Variants in ACTR2 observed in about 807,000 individuals in gnomAD.
ACTR2 encodes the protein actin related protein 2.
In ACTR2, 5 loss-of-function variants were observed where a neutral mutation model predicts 50.2. That is an observed-to-expected ratio of 0.10 (90% CI 0.05 to 0.21). ACTR2 has a LOEUF of 0.21. Among genes scored for constraint, ACTR2 ranks in the 10% least tolerant of loss-of-function variants. The pLI, the probability that ACTR2 is intolerant of heterozygous loss-of-function variation, is 1.00. For synonymous variants in ACTR2, 140 were observed against 162.9 expected, an observed-to-expected ratio of 0.86 and a Z score of 1.07; for missense variants, 180 against 480.6, an observed-to-expected ratio of 0.37 and a Z score of 5.85.
chr2:65,253,540 A>G (rs1017570398), intron 4 of ACTR2, among the ~76,000 whole-genome samples, 188 bp from the exon 5 acceptor site: 1 of 133,650 alleles, frequency 7.5e-6, no homozygotes, highest in Non-Finnish European at 1.6e-5. Context: ...TAGTAGACTA[A>G]AAGTCTTAAA....
intron 1 of ACTR2, among the ~76,000 whole-genome samples, chr2:65,231,275 G>A (rs1375742352): frequency 6.6e-6 from 1 of 152,140 alleles, no homozygotes; most frequent in Non-Finnish European, 1.5e-5. Context: ...AAGAAACAGT[G>A]CTGTTAAAAT....
At chr2:65,250,936 C>G in intron 3 of ACTR2, 91 bp from the exon 4 acceptor site, 1 of 778,262 alleles carries the variant, frequency 1.3e-6, no homozygotes. Context: ...CTATTTTGGG[C>G]AATTAATTCA....
chr2:65,261,508 C>A, intron 7 of ACTR2, 116 bp downstream of exon 7: 1 of 1,040,192 alleles, frequency 9.6e-7, no homozygotes, highest in Non-Finnish European at 1.3e-6. Context: ...TATAAACTTA[C>A]TTGAAATAAT....
chr2:65,243,625 C>A, intron 2 of ACTR2, among the ~76,000 whole-genome samples: 1 of 152,096 alleles, frequency 6.6e-6, no homozygotes, highest in East Asian at 1.9e-4. Flanking sequence ...CAAAACCCTG[C>A]CTCTATTAGT....
chr2:65,268,080 G>A (rs1465252975), intron 8 of ACTR2, among the ~76,000 whole-genome samples: 17 of 151,532 alleles, frequency 1.1e-4, no homozygotes, highest in East Asian at 9.7e-4. Flanking sequence ...CTCGTGATCC[G>A]CCCGCCTTGG....
chr2:65,253,487 G>A (rs953114429), intron 4 of ACTR2, among the ~76,000 whole-genome samples: 1 of 151,754 alleles, frequency 6.6e-6, no homozygotes, highest in Non-Finnish European at 1.5e-5. Flanking sequence ...TCAGTCCTCA[G>A]TCTCAGGGTC....
chr2:65,250,955 C>G (rs1672037621), intron 3 of ACTR2, 72 bp from the exon 4 acceptor site: 1 of 1,073,784 alleles, frequency 9.3e-7, no homozygotes, highest in Non-Finnish European at 1.4e-6. Context: ...CACTCTGTGA[C>G]CATGAGGAAA....
intron 2 of ACTR2, chr2:65,242,660 C>G (rs749490177): frequency 2.0e-6 from 1 of 511,030 alleles, no homozygotes; most frequent in Non-Finnish European, 3.9e-6. Context: ...TAAAGCTTTT[C>G]TATAAACAAC....
At chr2:65,233,079 C>T (rs965340856) in intron 1 of ACTR2, among the ~76,000 whole-genome samples, 11 of 151,496 alleles carry the variant, frequency 7.3e-5, no homozygotes, top group Non-Finnish European at 1.5e-4. Flanking sequence ...ACTGCAGCCT[C>T]CATCTCCCGG....
rs560389760 is a variant in ACTR2 at position 65,228,232 on chromosome 2, A to C, written c.48+275A>C. On this transcript the variant is annotated intron_variant, in intron 1 of 8. Transcript: ENST00000260641. Reference sequence around the variant, plus strand: ...ACATGGAGCCTACTGACCGCCCGGCAGGGACCTGCTCCGCGCTAATGCGGG... The same window carrying C: ...ACATGGAGCCTACTGACCGCCCGGCCGGGACCTGCTCCGCGCTAATGCGGG... 8 of 368,320 alleles carry C rather than the reference A, an allele frequency of 2.2e-5. No individual in the cohort carries two copies. The East Asian group carries it at 2.5e-4, about 11-fold the overall frequency. The allele number at this position is 368,320 out of a possible 1,614,324, so 22.8% of individuals were successfully genotyped here. A position where few individuals can be genotyped will look rare whatever the true frequency, so the allele number is the denominator to read the frequency against.
intron 1 of ACTR2, among the ~76,000 whole-genome samples, chr2:65,229,750 C>CAAAA (rs57953942): frequency 2.6e-4 from 14 of 53,988 alleles, no homozygotes; most frequent in African/African-American, 7.0e-4. Flanking sequence ...GACTCCGTCT[C>CAAAA]AAAAAAAAAA....
intron 1 of ACTR2, among the ~76,000 whole-genome samples, chr2:65,229,737 C>G (rs1334827137): frequency 2.7e-5 from 3 of 112,518 alleles, no homozygotes; most frequent in Non-Finnish European, 5.0e-5. Flanking sequence ...GGCGACAGAG[C>G]AAGACTCCGT....
chr2:65,239,359 C>T (rs1171890833), intron 1 of ACTR2, among the ~76,000 whole-genome samples: 2 of 152,224 alleles, frequency 1.3e-5, no homozygotes, highest in Non-Finnish European at 2.9e-5. Flanking sequence ...GAGGCTGAGG[C>T]AGGAGAATCA....
intron 2 of ACTR2, among the ~76,000 whole-genome samples, chr2:65,241,074 A>G (rs1671834095): frequency 6.6e-6 from 1 of 151,688 alleles, no homozygotes; most frequent in African/African-American, 2.4e-5. Flanking sequence ...AAAATGGGAC[A>G]CTCAGTGTAA....
At chr2:65,232,803 G>A (rs1177309242) in intron 1 of ACTR2, among the ~76,000 whole-genome samples, 1 of 152,168 alleles carries the variant, frequency 6.6e-6, no homozygotes, top group Admixed American at 6.5e-5. Flanking sequence ...CCACACTGCT[G>A]TGAAGAGGAA....
intron 8 of ACTR2, among the ~76,000 whole-genome samples, chr2:65,267,755 A>G (rs1045045808): frequency 2.6e-5 from 4 of 151,988 alleles, no homozygotes; most frequent in African/African-American, 7.2e-5. Flanking sequence ...TGATTTTGAG[A>G]CAATAGAAAG....
intron 6 of ACTR2, 47 bp from the exon 7 acceptor site, chr2:65,261,200 A>G: frequency 6.2e-7 from 1 of 1,607,394 alleles, no homozygotes; most frequent in Non-Finnish European, 8.5e-7. Context: ...AACACTGGGA[A>G]ATTTTAATCT....
chr2:65,262,218 A>G (rs1347741471), intron 7 of ACTR2, among the ~76,000 whole-genome samples: 3 of 151,990 alleles, frequency 2.0e-5, no homozygotes, highest in Non-Finnish European at 2.9e-5. Context: ...TTTGCTGTGC[A>G]GAAACTTCTT....
At chr2:65,232,248 A>C (rs1232037930) in intron 1 of ACTR2, among the ~76,000 whole-genome samples, 1 of 152,202 alleles carries the variant, frequency 6.6e-6, no homozygotes, top group Non-Finnish European at 1.5e-5. Context: ...TTTCATCAGC[A>C]TTGAGTTAGA....
Sources: gnomAD v4.1 joint callset for allele counts (sites outside exome capture counted in the v4.1 genomes callset) on GRCh38, gnomAD v4.1.1 for gene constraint, MANE v1.5 for transcripts, NCBI Gene and HGNC (gene_info 2026-07-23, HGNC 2026-07-21) for gene names.